Variants in TMEM131 observed in about 807,000 individuals in gnomAD.
TMEM131 encodes transmembrane protein 131.
In TMEM131, 66 loss-of-function variants were observed where a neutral mutation model predicts 211.6. The observed-to-expected ratio is 0.31, with a 90% CI of 0.26 to 0.38. The LOEUF (loss-of-function observed/expected upper bound fraction) is 0.38, where lower values mean the gene tolerates loss of function less well. Among genes scored for constraint, TMEM131 ranks in the 10% least tolerant of loss-of-function variants. The pLI is 1.00. For missense variants in TMEM131, 2,036 were observed against 2,299.3 expected (o/e 0.89, Z 2.34); for synonymous variants, 844 against 841.3 (o/e 1.00, Z -0.06).
At chr2:97,925,837 G>A (rs768751028) in intron 2 of TMEM131, among the ~76,000 whole-genome samples, 13 of 152,134 alleles carry the variant, frequency 8.5e-5, no homozygotes, top group Middle Eastern at 3.4e-3. Context: ...TTGGCCGGGC[G>A]CGGTGGCTCA....
chr2:97,855,699 CAAA>C (rs36041076), intron 5 of TMEM131, among the ~76,000 whole-genome samples: 11 of 121,072 alleles, frequency 9.1e-5, no homozygotes, highest in Non-Finnish European at 1.4e-4. Context: ...GACCCTGTCT[CAAA>C]AAAAAAAAAA....
intron 4 of TMEM131, among the ~76,000 whole-genome samples, chr2:97,872,978 A>C (rs1312830293): frequency 6.6e-6 from 1 of 152,208 alleles, no homozygotes; most frequent in Non-Finnish European, 1.5e-5. Context: ...GAGCCCAGCA[A>C]ACTAAGATTC....
At chr2:97,842,388 A>C (rs1683237923) in intron 6 of TMEM131, among the ~76,000 whole-genome samples, 1 of 152,226 alleles carries the variant, frequency 6.6e-6, no homozygotes, top group Non-Finnish European at 1.5e-5. Flanking sequence ...CTATTTATTA[A>C]GTGTCTATGA....
intron 25 of TMEM131, among the ~76,000 whole-genome samples, chr2:97,798,551 G>A (rs1047564603): frequency 2.0e-5 from 3 of 152,310 alleles, no homozygotes; most frequent in East Asian, 1.9e-4. Flanking sequence ...AGGTAAATAC[G>A]GTTGTCTCTG....
Position 97,792,607 on chromosome 2 carries a change from G to C in TMEM131, c.3923C>G (p.Pro1308Arg). 6.2e-7 allele frequency: 1 copy of C among 1,612,930 alleles called. No homozygotes were observed. Among genetic ancestry groups the C allele is most frequent in the Non-Finnish European group, 8.5e-7 (1 of 1,179,420 alleles). ...CGGCTCCTGGGGCTGAGGCACTGGC[G>C]GTGGCAGAGGAGGCTGAGGGTGCTG... Reference protein sequence around the residue: ...LEQHPQPPLPPPVPQPQEPQP... With the variant: ...LEQHPQPPLPRPVPQPQEPQP... Residue 1308 changes from proline to arginine, a missense_variant, in exon 31 of 41, where the codon CCG (proline) becomes CGG (arginine). This residue lies in a region of TMEM131 where 1,623 missense variants were observed against 1,805.9 expected (regional missense o/e 0.90). Transcript: ENST00000186436.
At position 97,797,442 on chromosome 2, in the gene TMEM131, TTTTAAAATTAGG is replaced by T; in HGVS notation, c.2781_2792del (p.Asn927_Leu930del). On this transcript the variant is annotated inframe_deletion, in exon 26 of 41. Transcript: ENST00000186436. ...CTTTGACAGATTTCTTTTCTCCAGGTTTTAAAATTAGGTTTAAAATTAAATGTCGAGAGAGGC... is the reference window on the plus strand; with the variant it reads ...CTTTGACAGATTTCTTTTCTCCAGGTTTTAAAATTAAATGTCGAGAGAGGC... 1 of 1,613,344 alleles carries T rather than the reference TTTTAAAATTAGG, an allele frequency of 6.2e-7. No individual in the cohort carries two copies. The highest frequency in any genetic ancestry group is 8.5e-7 in the Non-Finnish European group (1 of 1,179,684).
intron 4 of TMEM131, among the ~76,000 whole-genome samples, chr2:97,868,874 C>T (rs1410668168): frequency 6.6e-6 from 1 of 152,158 alleles, no homozygotes; most frequent in Non-Finnish European, 1.5e-5. Context: ...ACAGGCTCAT[C>T]AATCCCAGGT....
chr2:97,758,934 A>T lies in TMEM131; in HGVS notation c.5326T>A (p.Ser1776Thr). The T allele has an allele frequency of 2.5e-6, 4 of 1,613,870 alleles. No individual in the cohort carries two copies. The highest frequency in any genetic ancestry group is 3.4e-6 in the Non-Finnish European group (4 of 1,179,846). ...WESPATDPSP[S>T]WPASSGSPTH... Reference sequence around the variant, plus strand: ...GGGGAGCCGGAACTGGCTGGCCAGGAAGGACTGGGATCTGTCGCTGGCGAC... The same window carrying T: ...GGGGAGCCGGAACTGGCTGGCCAGGTAGGACTGGGATCTGTCGCTGGCGAC... The change falls in exon 40 of 41, where the codon TCC (serine) becomes ACC (threonine). Residue 1776 changes from serine to threonine, a missense_variant. Ser to Thr is a moderately conservative substitution (Grantham distance 58, BLOSUM62 1). Around this residue, in one of 3 missense-constraint regions of TMEM131, gnomAD observed 1,623 missense variants for 1,805.9 expected, o/e 0.90. Coordinates refer to ENST00000186436, the MANE Select transcript of TMEM131 (RefSeq NM_015348.2).
At chr2:97,836,111 T>C (rs1322919287) in intron 8 of TMEM131, among the ~76,000 whole-genome samples, 1 of 152,244 alleles carries the variant, frequency 6.6e-6, no homozygotes, top group East Asian at 1.9e-4. Flanking sequence ...AGGTGAAACA[T>C]TTTTGTGAAA....
chr2:97,926,300 C>T (rs918213977), intron 2 of TMEM131, among the ~76,000 whole-genome samples: 1 of 152,072 alleles, frequency 6.6e-6, no homozygotes, highest in Non-Finnish European at 1.5e-5. Flanking sequence ...CATAGAAATG[C>T]TACATGTACA....
chr2:97,834,587 AC>A (rs1467184804), intron 10 of TMEM131, 33 bp downstream of exon 10: 12 of 1,456,772 alleles, frequency 8.2e-6, no homozygotes, highest in Non-Finnish European at 1.0e-5. Flanking sequence ...AAAAAAAAAA[AC>A]TCCATAAAGA....
intron 8 of TMEM131, among the ~76,000 whole-genome samples, chr2:97,835,733 G>A (rs1559390296): frequency 6.6e-6 from 1 of 152,134 alleles, no homozygotes; most frequent in Non-Finnish European, 1.5e-5. Context: ...TGGAGGGATG[G>A]ACCATCCACT....
rs939872241 is a variant in TMEM131 at position 97,837,141 on chromosome 2, G to C, written c.740C>G (p.Ser247Cys). 10 of 1,599,612 alleles carry C rather than the reference G, an allele frequency of 6.3e-6. No homozygotes were observed. Among genetic ancestry groups the C allele is most frequent in the African/African-American group, 1.4e-5 (1 of 73,668 alleles). The stretch of plus-strand genomic sequence containing the variant: ...TTCTAGGTGAAGGTCTCCTCCACTA[G>C]AGTACATTTCTACAACCTGGGGCAA... ...SEPLQVVEMY[S>C]SGGDLHLELP... Residue 247 changes from serine to cysteine, a missense_variant, in exon 8 of 41, where the codon TCT (serine) becomes TGT (cysteine). Coordinates refer to ENST00000186436, the MANE Select transcript of TMEM131 (RefSeq NM_015348.2).
At chr2:97,911,912 T>C (rs1279751459) in intron 2 of TMEM131, among the ~76,000 whole-genome samples, 1 of 152,102 alleles carries the variant, frequency 6.6e-6, no homozygotes, top group South Asian at 2.1e-4. Context: ...TGAGCCCCAT[T>C]ATCAAGAGAT....
At chr2:97,967,169 A>G (rs1573628198) in intron 1 of TMEM131, among the ~76,000 whole-genome samples, 1 of 152,300 alleles carries the variant, frequency 6.6e-6, no homozygotes, top group East Asian at 1.9e-4. Context: ...TGTCCTCTCT[A>G]ATTTCATAAG....
intron 30 of TMEM131, 92 bp downstream of exon 30, chr2:97,793,303 G>A: frequency 7.3e-7 from 1 of 1,361,124 alleles, no homozygotes; most frequent in Non-Finnish European, 1.0e-6. Flanking sequence ...TTTTTCTCCT[G>A]AGCAAAGATG....
chr2:97,854,002 G>C (rs1253893410), intron 5 of TMEM131, among the ~76,000 whole-genome samples: 1 of 152,208 alleles, frequency 6.6e-6, no homozygotes, highest in East Asian at 1.9e-4. Context: ...AATTTTGAAA[G>C]AATTTCTGCT....
chr2:97,856,668 A>G (rs1673859690), intron 5 of TMEM131, among the ~76,000 whole-genome samples: 1 of 152,348 alleles, frequency 6.6e-6, no homozygotes, highest in African/African-American at 2.4e-5. Context: ...TCTCCTCGAC[A>G]TAAGAAACTC....
At chr2:97,931,504 T>C (rs1190838460) in intron 1 of TMEM131, among the ~76,000 whole-genome samples, 1 of 152,204 alleles carries the variant, frequency 6.6e-6, no homozygotes, top group Non-Finnish European at 1.5e-5. Flanking sequence ...TTCTGAATAT[T>C]ACAACTGATG....
Sources: gnomAD v4.1 joint callset for allele counts (sites outside exome capture counted in the v4.1 genomes callset) on GRCh38, gnomAD v4.1.1 for gene constraint, gnomAD v4.1.1 regional missense constraint, MANE v1.5 for transcripts, NCBI Gene and HGNC (gene_info 2026-07-23, HGNC 2026-07-21) for gene names.